The following DLG2 variants were observed in gnomAD, a reference collection of about 807,000 sequenced individuals.
The protein encoded by DLG2 is disks large homolog 2.
A neutral mutation model predicts 132.5 loss-of-function variants in DLG2; 45 were observed. The ratio of observed to expected loss-of-function variants is 0.34; its 90% CI spans 0.27 to 0.44. DLG2 has a LOEUF of 0.44. Among genes scored for constraint, DLG2 ranks in the 20% least tolerant of loss-of-function variants. The pLI, the probability that DLG2 is intolerant of heterozygous loss-of-function variation, is 1.00. For synonymous variants in DLG2, 424 were observed against 419.6 expected, an observed-to-expected ratio of 1.01 and a Z score of -0.13; for missense variants, 1,045 against 1,196.9, an observed-to-expected ratio of 0.87 and a Z score of 1.87.
intron 6 of DLG2, among the ~76,000 whole-genome samples, chr11:84,856,837 C>T (rs1248304340): frequency 1.3e-5 from 2 of 151,790 alleles, no homozygotes; most frequent in African/African-American, 2.4e-5. Context: ...AGCCTTGCTG[C>T]GGTTCTTGTT....
intron 7 of DLG2, among the ~76,000 whole-genome samples, chr11:84,380,771 C>G (rs759522314): frequency 6.6e-6 from 1 of 151,670 alleles, no homozygotes; most frequent in Admixed American, 6.6e-5. Flanking sequence ...TCAGCAAGGC[C>G]CAATTTAGTG....
intron 6 of DLG2, among the ~76,000 whole-genome samples, chr11:84,718,242 A>G (rs572538356): frequency 6.6e-6 from 1 of 152,232 alleles, no homozygotes; most frequent in African/African-American, 2.4e-5. Flanking sequence ...AGTCTCTAAA[A>G]GCATTATTTT....
At chr11:85,412,357 A>C (rs1362639394) in intron 3 of DLG2, among the ~76,000 whole-genome samples, 2 of 151,790 alleles carry the variant, frequency 1.3e-5, no homozygotes, top group Non-Finnish European at 2.9e-5. Context: ...AAGACAGAGG[A>C]ACCTGGATTC....
chr11:84,764,845 T>C (rs1212479004), intron 6 of DLG2, among the ~76,000 whole-genome samples: 1 of 152,068 alleles, frequency 6.6e-6, no homozygotes, highest in African/African-American at 2.4e-5. Flanking sequence ...AAGCAGCTTA[T>C]TGTTACTGGT....
At chr11:85,266,276 T>A (rs2077206373) in intron 4 of DLG2, among the ~76,000 whole-genome samples, 1 of 152,234 alleles carries the variant, frequency 6.6e-6, no homozygotes, top group African/African-American at 2.4e-5. Flanking sequence ...CCATGTGCGG[T>A]GGATCATGGT....
Position 85,069,531 on chromosome 11 carries a change from A to G in DLG2, c.357+42130T>C, listed in dbSNP as rs1465372541. On this transcript the variant is annotated intron_variant, in intron 6 of 27. Coordinates refer to ENST00000376104, the MANE Select transcript of DLG2 (RefSeq NM_001142699.3). ...ACTTCTCAAAGGAAGACATTTATGCAGCCAAAAGACACATGAAAAAATGCT... is the reference window on the plus strand; with the variant it reads ...ACTTCTCAAAGGAAGACATTTATGCGGCCAAAAGACACATGAAAAAATGCT... Among the ~76,000 whole-genome samples, 7 of 152,282 alleles carry G rather than the reference A, an allele frequency of 4.6e-5. No individual in the cohort carries two copies. The East Asian group carries it at 1.4e-3, about 30-fold the overall frequency.
chr11:84,527,377 C>A (rs2099324512), intron 7 of DLG2, among the ~76,000 whole-genome samples: 1 of 152,118 alleles, frequency 6.6e-6, no homozygotes, highest in African/African-American at 2.4e-5. Context: ...TATCCTTTGT[C>A]TATAGTTTTT....
intron 4 of DLG2, among the ~76,000 whole-genome samples, chr11:85,218,209 A>C (rs543611581): frequency 1.3e-5 from 2 of 152,338 alleles, no homozygotes; most frequent in African/African-American, 4.8e-5. Context: ...GACCTTATTA[A>C]ACTAAAAAGG....
intron 18 of DLG2, among the ~76,000 whole-genome samples, chr11:83,683,058 C>T (rs894454528): frequency 6.6e-6 from 1 of 152,184 alleles, no homozygotes; most frequent in African/African-American, 2.4e-5. Flanking sequence ...ATAAACAGTA[C>T]TGTTGACCAA....
At chr11:84,748,237 T>G (rs544140913) in intron 6 of DLG2, among the ~76,000 whole-genome samples, 8 of 152,296 alleles carry the variant, frequency 5.3e-5, no homozygotes, top group African/African-American at 1.7e-4. Context: ...TACAAAAATC[T>G]GCTGAGGCCC....
chr11:85,620,478 G>A (rs768757477), intron 2 of DLG2, among the ~76,000 whole-genome samples: 2 of 152,238 alleles, frequency 1.3e-5, no homozygotes, highest in Non-Finnish European at 2.9e-5. Flanking sequence ...GTTGAAAGCT[G>A]AGATAAGCCA....
chr11:85,384,618 G>T (rs1295050037), intron 3 of DLG2, among the ~76,000 whole-genome samples: 2 of 152,152 alleles, frequency 1.3e-5, no homozygotes, highest in African/African-American at 2.4e-5. Flanking sequence ...TCCCACGCTG[G>T]AGTGCAGTTG....
intron 4 of DLG2, among the ~76,000 whole-genome samples, chr11:85,246,006 C>T (rs1168859001): frequency 1.3e-5 from 2 of 151,914 alleles, no homozygotes; most frequent in Non-Finnish European, 2.9e-5. Context: ...AATTGCAACT[C>T]ACTCCCACTC....
intron 3 of DLG2, among the ~76,000 whole-genome samples, chr11:85,593,882 G>T (rs923052574): frequency 6.6e-6 from 1 of 151,822 alleles, no homozygotes; most frequent in Non-Finnish European, 1.5e-5. Context: ...ATAATTAATT[G>T]TGTGTTTAAT....
intron 3 of DLG2, among the ~76,000 whole-genome samples, chr11:85,323,884 T>C (rs1325782133): frequency 6.6e-6 from 1 of 152,256 alleles, no homozygotes; most frequent in Non-Finnish European, 1.5e-5. Flanking sequence ...TACCACTTTT[T>C]TTAAATCCAT....
intron 4 of DLG2, among the ~76,000 whole-genome samples, chr11:85,191,551 T>C (rs546871311): frequency 6.6e-6 from 1 of 152,178 alleles, no homozygotes; most frequent in Non-Finnish European, 1.5e-5. Context: ...AGAAAATCCA[T>C]ATCCCATCAC....
At chr11:85,557,823 T>G (rs1277637330) in intron 3 of DLG2, among the ~76,000 whole-genome samples, 2 of 151,822 alleles carry the variant, frequency 1.3e-5, no homozygotes, top group African/African-American at 4.8e-5. Flanking sequence ...AATTAAAGAT[T>G]TAAGTGTAAG....
intron 3 of DLG2, among the ~76,000 whole-genome samples, chr11:85,371,217 T>C (rs2084949189): frequency 6.6e-6 from 1 of 152,108 alleles, no homozygotes; most frequent in Admixed American, 6.6e-5. Flanking sequence ...TTCATGAATA[T>C]CAAGCAAAAC....
intron 6 of DLG2, among the ~76,000 whole-genome samples, chr11:84,650,961 G>C (rs1275028082): frequency 6.7e-6 from 1 of 148,762 alleles, no homozygotes; most frequent in African/African-American, 2.5e-5. Context: ...AAATGGAATT[G>C]CTAAGTCTCA....
Sources: allele counts gnomAD v4.1 joint callset (sites outside exome capture counted in the v4.1 genomes callset), GRCh38; gene constraint gnomAD v4.1.1; transcripts MANE v1.5; gene names NCBI Gene and HGNC (gene_info 2026-07-23, HGNC 2026-07-21).